The following CCND3 variants were observed in gnomAD, a reference collection of about 807,000 sequenced individuals.
CCND3 encodes G1/S-specific cyclin-D3.
In CCND3, 9 loss-of-function variants were observed where a neutral mutation model predicts 28.7. That is an observed-to-expected ratio of 0.31 (90% CI 0.19 to 0.55). The LOEUF (loss-of-function observed/expected upper bound fraction) is 0.55, where lower values mean the gene tolerates loss of function less well. Ranked by LOEUF, CCND3 falls within the 20% of genes least tolerant of loss-of-function variation. The pLI is 0.93. For synonymous variants in CCND3, 164 were observed against 163.9 expected (o/e 1.00, Z 0.00); for missense variants, 315 against 385.8 (o/e 0.82, Z 1.54).
At position 41,936,240 on chromosome 6, in the gene CCND3, C is replaced by G. The variant is rs989960939; in HGVS notation, c.712-133G>C. 3 of 965,134 alleles carry G rather than the reference C, an allele frequency of 3.1e-6. No homozygotes were observed. Among genetic ancestry groups the G allele is most frequent in the Non-Finnish European group, 4.5e-6 (3 of 664,494 alleles). 59.8% of individuals were successfully genotyped at this position (965,134 alleles called of 1,614,324 possible). A position where few individuals can be genotyped will look rare whatever the true frequency, so the allele number is the denominator to read the frequency against. On this transcript the variant is annotated intron_variant, in intron 4 of 4. Coordinates refer to ENST00000372991, the MANE Select transcript of CCND3 (RefSeq NM_001760.5). The surrounding 1 kb of genome is among the most constrained non-coding windows in gnomAD (Gnocchi z 4.4). Reference sequence around the variant, plus strand: ...GGCCACAGCCCGGCCCCAGGAATCGCTCTTTAGTTCTCAGAAACTAGCAAG... The same window carrying G: ...GGCCACAGCCCGGCCCCAGGAATCGGTCTTTAGTTCTCAGAAACTAGCAAG...
chr6:41,955,697 G>A (rs948847670), intron 1 of CCND3, among the ~76,000 whole-genome samples: 1 of 151,560 alleles, frequency 6.6e-6, no homozygotes, highest in African/African-American at 2.4e-5. Flanking sequence ...CCAGCACTTT[G>A]GGAGACTAAG....
intron 1 of CCND3, among the ~76,000 whole-genome samples, chr6:42,006,865 T>G (rs9471724): frequency 0.35 from 52,728 of 150,072 alleles, 10,329 homozygotes; most frequent in Middle Eastern, 0.5. Context: ...CCGAGATCGC[T>G]CCACTGCACT....
At chr6:42,027,281 T>G (rs761547805) in intron 1 of CCND3, among the ~76,000 whole-genome samples, 16 of 151,740 alleles carry the variant, frequency 1.1e-4, no homozygotes, top group Non-Finnish European at 2.2e-4. Flanking sequence ...CTACTAAAAA[T>G]ACAAAAAAAT....
chr6:41,988,241 G>A (rs1762544404), intron 1 of CCND3, among the ~76,000 whole-genome samples: 1 of 152,054 alleles, frequency 6.6e-6, no homozygotes, highest in African/African-American at 2.4e-5. Context: ...GGGAGGCAGA[G>A]GTTGTGATGA....
chr6:41,990,390 C>T (rs1345462800), intron 1 of CCND3, among the ~76,000 whole-genome samples: 1 of 151,926 alleles, frequency 6.6e-6, no homozygotes, highest in East Asian at 1.9e-4. Context: ...TCTACAGATT[C>T]ACTGTACTAT....
In CCND3 at chr6:42,035,935, C is replaced by T. The variant is rs576098608; in HGVS notation, c.-46+12566G>A. Among the ~76,000 whole-genome samples the T allele has an allele frequency of 1.5e-3, 221 of 152,106 alleles. 1 individual carries two copies. The highest frequency in any genetic ancestry group is 2.5e-3 in the Non-Finnish European group (170 of 67,984). On this transcript the variant is annotated intron_variant, in intron 1 of 4. Coordinates refer to the CCND3 transcript ENST00000372988. Reference sequence around the variant, plus strand: ...TTGTGATCCCCCCACCTCGGCCTCCCAAAGTGCTGGGATTATAGGTGTGAG... The same window carrying T: ...TTGTGATCCCCCCACCTCGGCCTCCTAAAGTGCTGGGATTATAGGTGTGAG...
chr6:42,018,114 AC>A lies in CCND3; in HGVS notation c.-46+30386del, dbSNP rs201000921. The stretch of plus-strand genomic sequence containing the variant: ...CAGTGAGCCGAGATCGCACCACTGC[AC>A]TCCAGCCTGGGTGATAGAATGAGAC... On this transcript the variant is annotated intron_variant, in intron 1 of 4. Transcript: ENST00000372988. Among the ~76,000 whole-genome samples the A allele has an allele frequency of 4.2e-3, 633 of 152,006 alleles. 6 individuals are homozygous for A. The highest frequency in any genetic ancestry group is 0.027 in the Middle Eastern group (8 of 294).
upstream of CCND3, among the ~76,000 whole-genome samples, chr6:41,942,129 A>G (rs1292685771): frequency 6.6e-6 from 1 of 152,192 alleles, no homozygotes; most frequent in Non-Finnish European, 1.5e-5. Context: ...TCATTCGTCA[A>G]ACCCTACTTC....
chr6:41,995,184 C>A (rs186709762), intron 1 of CCND3, among the ~76,000 whole-genome samples: 5 of 152,190 alleles, frequency 3.3e-5, no homozygotes, highest in African/African-American at 1.2e-4. Flanking sequence ...TTGTAAACAA[C>A]CTTACAGTCC....
chr6:42,044,715 T>C (rs542748184), intron 1 of CCND3, among the ~76,000 whole-genome samples: 1 of 152,286 alleles, frequency 6.6e-6, no homozygotes, highest in East Asian at 1.9e-4. Flanking sequence ...TTCCAGAATT[T>C]GACCTGACCT....
intron 1 of CCND3, among the ~76,000 whole-genome samples, chr6:42,036,032 C>T (rs1764196884): frequency 1.3e-5 from 2 of 150,404 alleles, no homozygotes; most frequent in Non-Finnish European, 1.5e-5. Context: ...GCTCTGTCAC[C>T]CAGGCTGGAG....
At chr6:41,968,675 T>C (rs1434013407) in intron 1 of CCND3, among the ~76,000 whole-genome samples, 1 of 152,214 alleles carries the variant, frequency 6.6e-6, no homozygotes, top group Non-Finnish European at 1.5e-5. Flanking sequence ...TTTCTGGATT[T>C]TGAGATGTGT....
intron 1 of CCND3, among the ~76,000 whole-genome samples, chr6:41,984,438 C>G (rs908178306): frequency 6.6e-6 from 1 of 152,158 alleles, no homozygotes; most frequent in East Asian, 1.9e-4. Context: ...CCTCCGCCCC[C>G]CAGGTTCAAG....
chr6:41,999,983 G>A (rs1286771024), intron 1 of CCND3, among the ~76,000 whole-genome samples: 3 of 151,920 alleles, frequency 2.0e-5, no homozygotes, highest in Non-Finnish European at 4.4e-5. Flanking sequence ...AATTCGGTAG[G>A]GATTTAGATG....
chr6:42,034,770 G>A (rs571391441), intron 1 of CCND3, among the ~76,000 whole-genome samples: 12 of 152,036 alleles, frequency 7.9e-5, no homozygotes, highest in Admixed American at 1.3e-4. Context: ...GAGCCATTGC[G>A]CCTGGCCGAC....
intron 1 of CCND3, among the ~76,000 whole-genome samples, chr6:42,036,398 TATATA>T (rs1465635104): frequency 5.1e-4 from 25 of 49,042 alleles, no homozygotes; most frequent in African/African-American, 1.1e-3. Context: ...TATATATATA[TATATA>T]TTTTTTTTTT....
At chr6:42,019,683 T>A (rs1348076946) in intron 1 of CCND3, among the ~76,000 whole-genome samples, 1 of 152,138 alleles carries the variant, frequency 6.6e-6, no homozygotes, top group Non-Finnish European at 1.5e-5. Context: ...ACACTGATTT[T>A]CCCTGAGGGA....
chr6:42,024,294 T>C (rs1305578714), intron 1 of CCND3, among the ~76,000 whole-genome samples: 1 of 151,802 alleles, frequency 6.6e-6, no homozygotes, highest in Non-Finnish European at 1.5e-5. Context: ...TCTCAGCTAC[T>C]TGGGAGGCTA....
chr6:42,040,139 C>T (rs115597780), intron 1 of CCND3, among the ~76,000 whole-genome samples: 5,826 of 152,298 alleles, frequency 0.038, 198 homozygotes, highest in East Asian at 0.11. Flanking sequence ...AAGTCTGAAC[C>T]GGGCACAGTG....
Sources: allele counts gnomAD v4.1 joint callset (sites outside exome capture counted in the v4.1 genomes callset), GRCh38; gene constraint gnomAD v4.1.1; non-coding constraint Gnocchi (gnomAD v3.1); transcripts MANE v1.5; gene names NCBI Gene and HGNC (gene_info 2026-07-23, HGNC 2026-07-21).